The following MCF2L variants were observed in gnomAD, a reference collection of about 807,000 sequenced individuals.
The protein encoded by MCF2L is guanine nucleotide exchange factor DBS.
MCF2L carries 97 observed loss-of-function variants against 153.4 expected under a neutral mutation model. That is an observed-to-expected ratio of 0.63 (90% CI 0.54 to 0.75). The LOEUF is 0.75. Among genes scored for constraint, MCF2L ranks in the 30% least tolerant of loss-of-function variants. The pLI is 0.00. For synonymous variants in MCF2L, 659 were observed against 632.2 expected (o/e 1.04, Z -0.64); for missense variants, 1,347 against 1,495.2 (o/e 0.90, Z 1.64).
At chr13:112,974,953 C>T (rs537922465) in intron 1 of MCF2L, among the ~76,000 whole-genome samples, 9 of 152,340 alleles carry the variant, frequency 5.9e-5, no homozygotes, top group Admixed American at 1.3e-4. Context: ...CCGCCGCCTA[C>T]GACGTGCAGG....
chr13:112,977,187 C>T (rs996641036), intron 1 of MCF2L, among the ~76,000 whole-genome samples: 5 of 152,154 alleles, frequency 3.3e-5, no homozygotes, highest in Admixed American at 2.0e-4. Context: ...AAAATGATAC[C>T]ACTTACTGAT....
At chr13:112,979,391 G>T (rs1157785264) in intron 1 of MCF2L, 8 of 1,368,934 alleles carry the variant, frequency 5.8e-6, no homozygotes, top group Admixed American at 3.3e-5. Flanking sequence ...TTCCAGGCGT[G>T]CAGGGCAGTG....
intron 1 of MCF2L, among the ~76,000 whole-genome samples, chr13:113,005,679 T>C (rs1308694203): frequency 6.6e-6 from 1 of 152,126 alleles, no homozygotes; most frequent in Admixed American, 6.5e-5. Flanking sequence ...GTGGTGACTG[T>C]GGTTAACGCT....
intron 2 of MCF2L, among the ~76,000 whole-genome samples, chr13:112,910,831 G>A (rs1566631729): frequency 6.6e-6 from 1 of 152,268 alleles, no homozygotes; most frequent in African/African-American, 2.4e-5. Flanking sequence ...CCGGGACTGT[G>A]CCGCTGGTGA....
At chr13:113,086,873 A>G (rs2034683182) in intron 21 of MCF2L, among the ~76,000 whole-genome samples, 2 of 152,148 alleles carry the variant, frequency 1.3e-5, no homozygotes, top group Non-Finnish European at 2.9e-5. Context: ...CCTGCCACAC[A>G]TGGTGAACTA....
chr13:113,087,199 C>G, intron 21 of MCF2L, 36 bp from the exon 22 acceptor site: 1 of 1,568,108 alleles, frequency 6.4e-7, no homozygotes, highest in Non-Finnish European at 8.7e-7. Flanking sequence ...CCAGGCCCAT[C>G]CCGTCCTGAA....
In MCF2L at chr13:113,098,703, G is replaced by A. The variant is rs892577736; in HGVS notation, c.*1844G>A. 2 of 152,260 alleles carry A rather than the reference G, an allele frequency of 1.3e-5. No individual in the cohort carries two copies. Among genetic ancestry groups the A allele is most frequent in the Non-Finnish European group, 1.5e-5 (1 of 68,042 alleles). The allele number at this position is 152,260 out of a possible 1,614,324, so 9.4% of individuals were successfully genotyped here. ...CGTGCGGCTCAGGCACCGAGCAACCGCTTTGCTTTCTTCTGTCAGACGGCG... is the reference window on the plus strand; with the variant it reads ...CGTGCGGCTCAGGCACCGAGCAACCACTTTGCTTTCTTCTGTCAGACGGCG... On this transcript the variant is annotated 3_prime_UTR_variant, in exon 30 of 30. Coordinates refer to ENST00000535094, the MANE Select transcript of MCF2L (RefSeq NM_001112732.3).
At chr13:113,094,869 C>G (rs997310051) in intron 27 of MCF2L, 1 of 1,116,686 alleles carries the variant, frequency 9.0e-7, no homozygotes, top group Non-Finnish European at 1.3e-6. Flanking sequence ...TCCTAACTCT[C>G]TCTGGAAGGT....
At chr13:113,002,758 G>A (rs928534158) in intron 1 of MCF2L, among the ~76,000 whole-genome samples, 3 of 152,322 alleles carry the variant, frequency 2.0e-5, no homozygotes, top group East Asian at 1.9e-4. Context: ...ATTTTCCAGC[G>A]GGTACTTATG....
At chr13:112,950,704 TA>T (rs1014163260) in intron 2 of MCF2L, among the ~76,000 whole-genome samples, 2 of 152,228 alleles carry the variant, frequency 1.3e-5, no homozygotes, top group Non-Finnish European at 2.9e-5. Flanking sequence ...AGCCAAGTTT[TA>T]CACCTTATAT....
In MCF2L at chr13:113,090,475, T is replaced by A. The variant is rs981610814; in HGVS notation, c.2953+747T>A. On this transcript the variant is annotated intron_variant, in intron 26 of 29. Coordinates refer to ENST00000535094, the MANE Select transcript of MCF2L (RefSeq NM_001112732.3). ...GCCTTCTCCCGCCTTCTCAGGTGAG[T>A]TCCCTGCAGGGTGCTGACCTTGCTG... is the stretch of plus-strand genomic sequence containing the variant. The A allele has an allele frequency of 7.4e-6, 7 of 949,806 alleles. No homozygotes were observed. The East Asian group carries it at 7.0e-4, about 94-fold the overall frequency. The allele number at this position is 949,806 out of a possible 1,614,324, so 58.8% of individuals were successfully genotyped here. A position where few individuals can be genotyped will look rare whatever the true frequency, so the allele number is the denominator to read the frequency against.
intron 1 of MCF2L, among the ~76,000 whole-genome samples, chr13:112,970,332 G>A (rs2317142): frequency 0.94 from 143,300 of 152,220 alleles, 67,667 homozygotes; most frequent in Non-Finnish European, 0.98. Context: ...CTCTTTCTCT[G>A]CCCACCCCGA....
Position 113,086,258 on chromosome 13 carries a change from C to A in MCF2L, c.2373+9C>A. 2 of 1,607,622 alleles carry A rather than the reference C, an allele frequency of 1.2e-6. No individual in the cohort carries two copies. The highest frequency in any genetic ancestry group is 1.7e-6 in the Non-Finnish European group (2 of 1,177,600). On this transcript the variant is annotated intron_variant, in intron 21 of 29. Coordinates refer to ENST00000535094, the MANE Select transcript of MCF2L (RefSeq NM_001112732.3). ...CTATCACCGGCTATGACGTAAGGCG[C>A]CCAGATGCCCGGTCTTCCCCGCCGC...
At position 113,025,454 on chromosome 13, in the gene MCF2L, T is replaced by C. The variant is rs78017000; in HGVS notation, c.278+696T>C. On this transcript the variant is annotated intron_variant, in intron 3 of 29. Transcript: ENST00000535094. ...CGTGACTGTGGGTCGGGGCAGAGTC[T>C]CTGTGAGGTTTCATCATGGTGGGGT... is the stretch of plus-strand genomic sequence containing the variant. Among the ~76,000 whole-genome samples, 24 of 24,496 alleles carry C rather than the reference T, an allele frequency of 9.8e-4. 1 individual carries two copies. The highest frequency in any genetic ancestry group is 4.2e-3 in the South Asian group (1 of 240). The allele number at this position is 24,496 out of a possible 152,430, so 16.1% of individuals were successfully genotyped here. A position where few individuals can be genotyped will look rare whatever the true frequency, so the allele number is the denominator to read the frequency against.
At position 113,094,543 on chromosome 13, in the gene MCF2L, G is replaced by T; in HGVS notation, c.2983G>T (p.Ala995Ser). 1 of 1,612,470 alleles carries T rather than the reference G, an allele frequency of 6.2e-7. No homozygotes were observed. The highest frequency in any genetic ancestry group is 8.5e-7 in the Non-Finnish European group (1 of 1,179,658). Residue 995 changes from alanine to serine, a missense_variant, in exon 27 of 30, where the codon GCA (alanine) becomes TCA (serine). Ala to Ser is a moderately conservative substitution (Grantham distance 99). Transcript: ENST00000535094. ...GWSKTSHSLEAPEDDGGWSSA... is the reference protein window; with the variant it reads ...GWSKTSHSLESPEDDGGWSSA... ...GAGCAAAACGTCCCACTCACTGGAG[G>T]CACCTGAGGACGACGGGGGCTGGTC... is the stretch of plus-strand genomic sequence containing the variant.
At chr13:112,895,870 T>C (rs1259933923) in intron 1 of MCF2L, among the ~76,000 whole-genome samples, 1 of 151,722 alleles carries the variant, frequency 6.6e-6, no homozygotes, top group African/African-American at 2.4e-5. Context: ...GGTCCCGGTG[T>C]CCCCGATTTC....
intron 2 of MCF2L, chr13:112,957,132 C>A (rs2081767891): frequency 6.6e-6 from 1 of 151,850 alleles, no homozygotes; most frequent in Non-Finnish European, 1.5e-5. Context: ...TTGACGTGAC[C>A]CTGGAGAGCT....
At chr13:113,094,750 A>G in intron 27 of MCF2L, 115 bp downstream of exon 27, 2 of 1,346,406 alleles carry the variant, frequency 1.5e-6, no homozygotes, top group South Asian at 2.9e-5. Context: ...AGCTCCTCCT[A>G]ACCCTGGAAG....
At position 112,983,228 on chromosome 13, in the gene MCF2L, G is replaced by A. The variant is rs1343526778; in HGVS notation, c.79+13770G>A. ...TAGGTTGCAGGTTCATGGCAGCTGG[G>A]TAGGGACGGGAAGCTCCAGTAAGAT... On this transcript the variant is annotated intron_variant, in intron 1 of 29. Transcript: ENST00000535094. The surrounding 1 kb of genome is among the most constrained non-coding windows in gnomAD (Gnocchi z 4.0). Among the ~76,000 whole-genome samples the A allele has an allele frequency of 6.6e-6, 1 of 152,146 alleles. No homozygotes were observed. The highest frequency in any genetic ancestry group is 6.5e-5 in the Admixed American group (1 of 15,282).
Sources: allele counts gnomAD v4.1 joint callset (sites outside exome capture counted in the v4.1 genomes callset), GRCh38; gene constraint gnomAD v4.1.1; non-coding constraint Gnocchi (gnomAD v3.1); transcripts MANE v1.5; gene names NCBI Gene and HGNC (gene_info 2026-07-23, HGNC 2026-07-21).